TARS3: variants seen among roughly 807,000 people sequenced by gnomAD.
TARS3 encodes the protein threonyl-tRNA synthetase 3, also known as threonine--tRNA ligase 2, cytoplasmic.
Under a neutral mutation model 103.5 loss-of-function variants are expected in TARS3, and 94 were observed. The ratio of observed to expected loss-of-function variants is 0.91; its 90% CI spans 0.77 to 1.08. TARS3 has a LOEUF of 1.08. Ranked by LOEUF, TARS3 falls within the 50% of genes least tolerant of loss-of-function variation. The pLI is 0.00. For missense variants in TARS3, 952 were observed against 995.2 expected (o/e 0.96, Z 0.58); for synonymous variants, 416 against 355.4 (o/e 1.17, Z -1.92).
intron 12 of TARS3, among the ~76,000 whole-genome samples, chr15:101,681,956 T>C (rs1339989713): frequency 6.6e-6 from 1 of 152,068 alleles, no homozygotes; most frequent in African/African-American, 2.4e-5. Flanking sequence ...GGTTTATTAT[T>C]ATGAAATGCA....
chr15:101,699,905 C>G (rs1899173819), intron 10 of TARS3, among the ~76,000 whole-genome samples: 1 of 151,908 alleles, frequency 6.6e-6, no homozygotes, highest in African/African-American at 2.4e-5. Flanking sequence ...TATACAGGGA[C>G]CAGGAAAAGA....
chr15:101,660,181 G>A (rs975428629), intron 16 of TARS3, among the ~76,000 whole-genome samples: 1 of 152,242 alleles, frequency 6.6e-6, no homozygotes, highest in Non-Finnish European at 1.5e-5. Flanking sequence ...CAGGGACTGT[G>A]CCCGGCAATA....
chr15:101,705,858 C>G, intron 6 of TARS3, 111 bp from the exon 7 acceptor site: 1 of 909,786 alleles, frequency 1.1e-6, no homozygotes, highest in South Asian at 1.5e-5. Flanking sequence ...GTTCTAGGTG[C>G]TGAGACACGA....
intron 12 of TARS3, among the ~76,000 whole-genome samples, chr15:101,676,986 T>G (rs1384185286): frequency 6.6e-6 from 1 of 152,126 alleles, no homozygotes; most frequent in Non-Finnish European, 1.5e-5. Context: ...CAGGCCCCAG[T>G]GTGTGTTGTT....
chr15:101,657,242 T>C (rs1161928400), intron 17 of TARS3, among the ~76,000 whole-genome samples: 2 of 152,214 alleles, frequency 1.3e-5, no homozygotes, highest in Non-Finnish European at 2.9e-5. Flanking sequence ...CTCCCATCTC[T>C]CTCAGATCAC....
rs371580897 is a variant in TARS3, at chr15:101,654,116, GTTAAAA to G, written c.*460_*465del. The G allele has an allele frequency of 7.3e-3, 1,125 of 153,946 alleles. 8 individuals carry two copies. Among genetic ancestry groups the G allele is most frequent in the Non-Finnish European group, 9.8e-3 (681 of 69,388 alleles). 9.5% of individuals were successfully genotyped at this position (153,946 alleles called of 1,614,324 possible). A position where few individuals can be genotyped will look rare whatever the true frequency, so the allele number is the denominator to read the frequency against. ...CTGCTGCTTTTGTGGTTGTTGGTTA[GTTAAAA>G]TTAAGTAATGATTCCAGTTTAGAAG... is the stretch of plus-strand genomic sequence containing the variant. On this transcript the variant is annotated 3_prime_UTR_variant, in exon 19 of 19. Transcript: ENST00000335968.
chr15:101,663,041 T>C (rs1897442446), intron 15 of TARS3, among the ~76,000 whole-genome samples: 1 of 152,256 alleles, frequency 6.6e-6, no homozygotes, highest in African/African-American at 2.4e-5. Context: ...CGAATCTTCA[T>C]TTAAATAACT....
chr15:101,724,205 G>A lies in TARS3; in HGVS notation c.183C>T (p.Asn61=). 6.5e-7 allele frequency: 1 copy of A among 1,528,370 alleles called. No homozygotes were observed. The highest frequency in any genetic ancestry group is 8.7e-7 in the Non-Finnish European group (1 of 1,144,134). 94.7% of individuals were successfully genotyped at this position (1,528,370 alleles called of 1,614,324 possible). The change falls in exon 1 of 19, where the codon AAC becomes AAT. Residue 61 remains asparagine (N), a synonymous_variant. Coordinates refer to ENST00000335968, the MANE Select transcript of TARS3 (RefSeq NM_152334.3). ...TGCACAGGCGGTGGCGCAGGTCGCA[G>A]TTCTCGGCCCGGAGCTGCGCCACCT... is the stretch of plus-strand genomic sequence containing the variant. ...TREVAQLRAE[N]CDLRHRLCSL... is the part of the protein sequence containing the mutation.
At chr15:101,677,636 T>C (rs1018845125) in intron 12 of TARS3, among the ~76,000 whole-genome samples, 3 of 152,124 alleles carry the variant, frequency 2.0e-5, no homozygotes, top group Non-Finnish European at 4.4e-5. Context: ...GTAGCTGGGA[T>C]TACAGGCACA....
intron 12 of TARS3, among the ~76,000 whole-genome samples, chr15:101,682,410 T>C (rs1007083010): frequency 6.6e-6 from 1 of 152,206 alleles, no homozygotes; most frequent in African/African-American, 2.4e-5. Context: ...TTTGTTTGTT[T>C]TCTTTTTTTT....
At chr15:101,667,161 G>A (rs1160320013) in intron 15 of TARS3, among the ~76,000 whole-genome samples, 3 of 152,120 alleles carry the variant, frequency 2.0e-5, no homozygotes, top group Non-Finnish European at 4.4e-5. Flanking sequence ...TCAACAGTGG[G>A]CTTAAAATAT....
At chr15:101,658,431 T>C (rs1351786405) in intron 16 of TARS3, among the ~76,000 whole-genome samples, 1 of 151,244 alleles carries the variant, frequency 6.6e-6, no homozygotes, top group Non-Finnish European at 1.5e-5. Flanking sequence ...GTTTGTGTAC[T>C]CTGTAAATCC....
chr15:101,668,735 CCAA>C (rs1296991942), intron 15 of TARS3, among the ~76,000 whole-genome samples: 3 of 152,216 alleles, frequency 2.0e-5, no homozygotes, highest in East Asian at 3.9e-4. Context: ...AGTGTTCTGG[CCAA>C]CAACAGAGCA....
chr15:101,696,196 G>A (rs1421338181), intron 10 of TARS3, among the ~76,000 whole-genome samples: 1 of 128,494 alleles, frequency 7.8e-6, no homozygotes, highest in Non-Finnish European at 1.6e-5. Context: ...GGGCAACAGA[G>A]CGAGACTTTG....
intron 12 of TARS3, among the ~76,000 whole-genome samples, chr15:101,679,336 CTA>C (rs56891955): frequency 0.013 from 2,025 of 152,212 alleles, 57 homozygotes; most frequent in African/African-American, 0.047. Flanking sequence ...TCTGTTTTCT[CTA>C]TGTTTTTCAG....
In TARS3 at chr15:101,714,887, C is replaced by A. The variant is rs199644338; in HGVS notation, c.643G>T (p.Asp215Tyr). ...LWDLDRPLEG[D>Y]SSLELLTFDN... ...AATGTAAGCAGCTCTAGAGAAGAGT[C>A]CCCTTCCAATGGGCGGTCCAGGTCC... The change falls in exon 4 of 19, where the codon GAC (aspartate) becomes TAC (tyrosine). Residue 215 changes from aspartate (D) to tyrosine (Y), a missense_variant. Around this residue, in one of 2 missense-constraint regions of TARS3, gnomAD observed 412 missense variants for 364.2 expected, o/e 1.13. Coordinates refer to ENST00000335968, the MANE Select transcript of TARS3 (RefSeq NM_152334.3). The A allele has an allele frequency of 2.5e-6, 4 of 1,613,400 alleles. No homozygotes were observed. The highest frequency in any genetic ancestry group is 2.2e-5 in the South Asian group (2 of 90,994).
intron 18 of TARS3, chr15:101,656,008 G>C (rs746146151): frequency 3.9e-6 from 5 of 1,289,200 alleles, no homozygotes; most frequent in Non-Finnish European, 5.1e-6. Flanking sequence ...CCACACAGAA[G>C]GAAGAAACCG....
chr15:101,721,214 T>A lies in TARS3; in HGVS notation c.478A>T (p.Asn160Tyr), dbSNP rs746945377. The A allele has an allele frequency of 6.2e-7, 1 of 1,614,142 alleles. No individual in the cohort carries two copies. Among genetic ancestry groups the A allele is most frequent in the Non-Finnish European group, 8.5e-7 (1 of 1,179,968 alleles). Residue 160 changes from asparagine to tyrosine, a missense_variant, in exon 3 of 19, where the codon AAC (asparagine) becomes TAC (tyrosine). Around this residue, in one of 2 missense-constraint regions of TARS3, gnomAD observed 412 missense variants for 364.2 expected, o/e 1.13. Transcript: ENST00000335968. ...TCAGCCACTCTTACTGTGATGATGT[T>A]GCTTGTATCCCCCTTTTTTCCATAA... ...AIYGKKGDTS[N>Y]IITVRVADGQ...
chr15:101,675,506 T>C, intron 13 of TARS3, 94 bp downstream of exon 13: 1 of 1,270,462 alleles, frequency 7.9e-7, no homozygotes. Flanking sequence ...AAAATTTCTA[T>C]TACAAATTAT....
Sources: gnomAD v4.1 joint callset for allele counts (sites outside exome capture counted in the v4.1 genomes callset) on GRCh38, gnomAD v4.1.1 for gene constraint, gnomAD v4.1.1 regional missense constraint, MANE v1.5 for transcripts, NCBI Gene and HGNC (gene_info 2026-07-23, HGNC 2026-07-21) for gene names.